Variants in RYR2 observed in about 807,000 individuals in gnomAD.
The protein encoded by RYR2 is cardiac muscle ryanodine receptor-calcium release channel.
Under a neutral mutation model 601.1 loss-of-function variants are expected in RYR2, and 227 were observed. The observed-to-expected ratio is 0.38, with a 90% CI of 0.34 to 0.42. The LOEUF is 0.42. Among genes scored for constraint, RYR2 ranks in the 10% least tolerant of loss-of-function variants. The pLI, the probability that RYR2 is intolerant of heterozygous loss-of-function variation, is 1.00. For synonymous variants in RYR2, 2,223 were observed against 2,175.1 expected, an observed-to-expected ratio of 1.02 and a Z score of -0.61; for missense variants, 4,646 against 6,156.5, an observed-to-expected ratio of 0.75 and a Z score of 8.21.
At chr1:237,730,407 G>A (rs1558304464) in intron 77 of RYR2, 51 bp downstream of exon 77, 4 of 984,136 alleles carry the variant, frequency 4.1e-6, no homozygotes, top group East Asian at 2.4e-5. Flanking sequence ...GCTTGGTGCA[G>A]CAATGTTGGC....
At chr1:237,530,539 T>A in intron 25 of RYR2, 29 bp downstream of exon 25, 1 of 1,486,082 alleles carries the variant, frequency 6.7e-7, no homozygotes, top group Non-Finnish European at 9.3e-7. Flanking sequence ...CAATATTAAA[T>A]AATCTGTGTA....
intron 2 of RYR2, among the ~76,000 whole-genome samples, chr1:237,305,618 G>A (rs1693793536): frequency 6.6e-6 from 1 of 152,218 alleles, no homozygotes; most frequent in Admixed American, 6.5e-5. Context: ...TTTTTGTAGA[G>A]ATGGGGTTTC....
intron 2 of RYR2, among the ~76,000 whole-genome samples, chr1:237,304,797 T>A (rs1174931469): frequency 6.6e-6 from 1 of 152,230 alleles, no homozygotes; most frequent in Non-Finnish European, 1.5e-5. Context: ...CGTTTTATTA[T>A]TTGGTTTGTT....
At chr1:237,754,741 A>C (rs1367854054) in intron 80 of RYR2, among the ~76,000 whole-genome samples, 1 of 152,360 alleles carries the variant, frequency 6.6e-6, no homozygotes, top group Non-Finnish European at 1.5e-5. Flanking sequence ...GTTGCTCATC[A>C]GTTTTAAACA....
intron 1 of RYR2, among the ~76,000 whole-genome samples, chr1:237,218,204 T>C (rs1175637780): frequency 6.6e-6 from 1 of 152,224 alleles, no homozygotes; most frequent in African/African-American, 2.4e-5. Context: ...GTGGATAAAT[T>C]AGGAGGAATC....
intron 101 of RYR2, among the ~76,000 whole-genome samples, chr1:237,821,515 G>A (rs779768984): frequency 2.0e-5 from 3 of 152,218 alleles, no homozygotes; most frequent in East Asian, 1.9e-4. Context: ...GACTCCATCC[G>A]AAGGTCACCA....
intron 1 of RYR2, among the ~76,000 whole-genome samples, chr1:237,170,341 A>G (rs905113577): frequency 2.6e-5 from 4 of 152,160 alleles, no homozygotes; most frequent in African/African-American, 7.2e-5. Flanking sequence ...GAAGCTCCAC[A>G]TGTTTGAAGG....
intron 2 of RYR2, among the ~76,000 whole-genome samples, 163 bp downstream of exon 2, chr1:237,270,779 C>T (rs1200423641): frequency 1.3e-5 from 2 of 152,166 alleles, no homozygotes; most frequent in Non-Finnish European, 2.9e-5. Flanking sequence ...AATTGAGTCT[C>T]TCCTGGGTAC....
At chr1:237,067,938 G>A (rs1363256501) in intron 1 of RYR2, among the ~76,000 whole-genome samples, 1 of 151,396 alleles carries the variant, frequency 6.6e-6, no homozygotes, top group African/African-American at 2.4e-5. Flanking sequence ...CCATTGCATT[G>A]TACTATACAC....
intron 13 of RYR2, among the ~76,000 whole-genome samples, chr1:237,442,151 T>A (rs981363068): frequency 6.6e-6 from 1 of 152,208 alleles, no homozygotes; most frequent in Non-Finnish European, 1.5e-5. Flanking sequence ...TGCAGAATTA[T>A]GAGCCAGGGT....
At chr1:237,606,552 A>G (rs973507877) in intron 35 of RYR2, among the ~76,000 whole-genome samples, 11 of 152,130 alleles carry the variant, frequency 7.2e-5, no homozygotes, top group African/African-American at 2.7e-4. Flanking sequence ...GGCAACAAAA[A>G]CTAAAATTGA....
chr1:237,589,978 C>T lies in RYR2; in HGVS notation c.3784C>T (p.Pro1262Ser). The T allele has an allele frequency of 1.9e-6, 3 of 1,613,808 alleles. No individual in the cohort carries two copies. Among genetic ancestry groups the T allele is most frequent in the Non-Finnish European group, 2.5e-6 (3 of 1,179,834 alleles). ...SKRLPQFLQV[P>S]SNHEHIEVTR... ...GAGGCTTCCTCAGTTTCTTCAAGTT[C>T]CATCAAACCATGAACATATAGAGGT... Residue 1262 changes from proline (P) to serine (S), a missense_variant, in exon 30 of 105, where the codon CCA becomes TCA. Coordinates refer to ENST00000366574, the MANE Select transcript of RYR2 (RefSeq NM_001035.3).
In RYR2 at chr1:237,360,564, C is replaced by T. The variant is rs562345995; in HGVS notation, c.295-3794C>T. Reference sequence around the variant, plus strand: ...TATTATACTCGAAAGAGAAGACATTCCATTTAACTACTGTCTGTACAGAGC... The same window carrying T: ...TATTATACTCGAAAGAGAAGACATTTCATTTAACTACTGTCTGTACAGAGC... On this transcript the variant is annotated intron_variant, in intron 4 of 104. Transcript: ENST00000366574. Among the ~76,000 whole-genome samples, 4 of 152,240 alleles carry T rather than the reference C, an allele frequency of 2.6e-5. No individual in the cohort carries two copies. In the East Asian group the frequency reaches 5.8e-4, roughly 22 times the overall value.
At chr1:237,063,035 A>G (rs901332151) in intron 1 of RYR2, among the ~76,000 whole-genome samples, 1 of 151,930 alleles carries the variant, frequency 6.6e-6, no homozygotes, top group Non-Finnish European at 1.5e-5. Context: ...TTAACCCCCA[A>G]TGTGATAGTA....
intron 82 of RYR2, among the ~76,000 whole-genome samples, chr1:237,759,172 C>T (rs537744361): frequency 1.4e-3 from 209 of 152,186 alleles, no homozygotes; most frequent in African/African-American, 4.8e-3. Flanking sequence ...CTGCAACCTC[C>T]GCCTCCTGGG....
chr1:237,198,430 T>C (rs1482319491), intron 1 of RYR2, among the ~76,000 whole-genome samples: 1 of 121,622 alleles, frequency 8.2e-6, no homozygotes, highest in Non-Finnish European at 1.7e-5. Flanking sequence ...TTGAATATAG[T>C]GTTTCCTTGA....
Position 237,593,540 on chromosome 1 carries a change from C to A in RYR2, c.4340C>A (p.Thr1447Lys). 1 of 1,613,878 alleles carries A rather than the reference C, an allele frequency of 6.2e-7. No homozygotes were observed. Among genetic ancestry groups the A allele is most frequent in the Non-Finnish European group, 8.5e-7 (1 of 1,179,820 alleles). Residue 1447 changes from threonine (T) to lysine (K), a missense_variant, in exon 33 of 105, where the codon ACA (threonine) becomes AAA (lysine). By Grantham distance (78) the Thr-to-Lys change is moderately conservative (BLOSUM62 -1). Around this residue, in one of 17 missense-constraint regions of RYR2, gnomAD observed 1,807 missense variants for 2,088.1 expected, o/e 0.87. Coordinates refer to ENST00000366574, the MANE Select transcript of RYR2 (RefSeq NM_001035.3). ...EPANVWVGWI[T>K]SDFHQYDTGF... ...GCTAATGTCTGGGTGGGCTGGATTA[C>A]ATCAGATTTCCATCAGTATGACACA...
At chr1:237,669,496 G>C (rs989070471) in intron 58 of RYR2, among the ~76,000 whole-genome samples, 6 of 138,730 alleles carry the variant, frequency 4.3e-5, no homozygotes, top group Non-Finnish European at 8.2e-5. Context: ...GCGGCTGGCC[G>C]GGCGGGGGGC....
At chr1:237,550,773 G>C (rs1425860630) in intron 27 of RYR2, 82 bp downstream of exon 27, 1 of 1,416,160 alleles carries the variant, frequency 7.1e-7, no homozygotes, top group African/African-American at 1.4e-5. Flanking sequence ...ATAAAAGGGG[G>C]AGTACTGGAT....
Sources: gnomAD v4.1 joint callset for allele counts (sites outside exome capture counted in the v4.1 genomes callset) on GRCh38, gnomAD v4.1.1 for gene constraint, gnomAD v4.1.1 regional missense constraint, MANE v1.5 for transcripts, NCBI Gene and HGNC (gene_info 2026-07-23, HGNC 2026-07-21) for gene names.